ASB3: variants seen among roughly 807,000 people sequenced by gnomAD.
ASB3 encodes the protein ankyrin repeat and SOCS box protein 3.
In ASB3, 41 loss-of-function variants were observed where a neutral mutation model predicts 54.5. That is an observed-to-expected ratio of 0.75 (90% CI 0.59 to 0.98). The LOEUF (loss-of-function observed/expected upper bound fraction) is 0.98. ASB3 is among the 50% of genes least tolerant of loss of function. The probability of loss-of-function intolerance (pLI) is 0.00; values close to 1 mark genes in which losing one functional copy is unlikely to be tolerated. For missense variants in ASB3, 733 were observed against 620.0 expected, an observed-to-expected ratio of 1.18 and a Z score of -1.94; for synonymous variants, 266 against 221.2, an observed-to-expected ratio of 1.20 and a Z score of -1.80.
chr2:53,676,151 T>C (rs1668070637), intron 9 of ASB3, among the ~76,000 whole-genome samples: 1 of 152,230 alleles, frequency 6.6e-6, no homozygotes, highest in Admixed American at 6.5e-5. Context: ...AAACTATGGA[T>C]GTATAAACAA....
At chr2:53,772,915 G>T (rs192076391) in intron 1 of ASB3, among the ~76,000 whole-genome samples, 1 of 151,796 alleles carries the variant, frequency 6.6e-6, no homozygotes, top group East Asian at 1.9e-4. Context: ...TTTTAAAACT[G>T]GTTTGGAGCA....
chr2:53,765,231 T>C, intron 2 of ASB3, 146 bp downstream of exon 2: 7 of 1,186,790 alleles, frequency 5.9e-6, no homozygotes, highest in Middle Eastern at 2.8e-4. Flanking sequence ...GCAATCTTAC[T>C]ATCCTTAATA....
intron 1 of ASB3, among the ~76,000 whole-genome samples, chr2:53,765,966 A>G (rs1673427370): frequency 6.6e-6 from 1 of 152,026 alleles, no homozygotes; most frequent in Non-Finnish European, 1.5e-5. Context: ...CCTCTGCTTA[A>G]TCCCCAGTGT....
At chr2:53,678,311 C>T (rs1314986037) in intron 9 of ASB3, among the ~76,000 whole-genome samples, 1 of 152,164 alleles carries the variant, frequency 6.6e-6, no homozygotes, top group Non-Finnish European at 1.5e-5. Flanking sequence ...TCCCCACAAC[C>T]ATCCCGCCTT....
rs531962048 is a variant in ASB3, at chr2:53,732,195, G to A, written c.356-2625C>T. 3.3e-5 allele frequency among the ~76,000 whole-genome samples: 5 copies of A among 151,222 alleles called. No homozygotes were observed. The East Asian group carries it at 9.8e-4, about 30-fold the overall frequency. On this transcript the variant is annotated intron_variant, in intron 3 of 9. Coordinates refer to ENST00000263634, the MANE Select transcript of ASB3 (RefSeq NM_016115.5). ...GCTGGTCTCCAACTCCTGGCCTCAG[G>A]TGATCCACCTCCGCCTCAGCCTCCC...
At chr2:53,712,470 A>C (rs994726950) in intron 7 of ASB3, among the ~76,000 whole-genome samples, 17 of 152,210 alleles carry the variant, frequency 1.1e-4, no homozygotes, top group African/African-American at 2.7e-4. Flanking sequence ...AATTTCAACT[A>C]ATCTTGGAAA....
intron 1 of ASB3, among the ~76,000 whole-genome samples, chr2:53,778,436 T>C (rs779008687): frequency 6.6e-6 from 1 of 152,172 alleles, no homozygotes; most frequent in African/African-American, 2.4e-5. Flanking sequence ...TAAAAGTTAC[T>C]CTTAGCAAGT....
intron 7 of ASB3, among the ~76,000 whole-genome samples, chr2:53,712,508 C>T (rs983190046): frequency 8.5e-5 from 13 of 152,154 alleles, no homozygotes; most frequent in African/African-American, 2.4e-5. Flanking sequence ...AGATCTTTCC[C>T]ACCTAATTTC....
At chr2:53,714,246 T>C in intron 7 of ASB3, 138 bp downstream of exon 7, 4 of 1,076,196 alleles carry the variant, frequency 3.7e-6, no homozygotes, top group Non-Finnish European at 5.2e-6. Context: ...CATCATAGTT[T>C]TTTTCCTATT....
chr2:53,716,247 A>T (rs1403829476), intron 6 of ASB3, among the ~76,000 whole-genome samples: 1 of 152,206 alleles, frequency 6.6e-6, no homozygotes, highest in African/African-American at 2.4e-5. Context: ...ATGCTTAAAG[A>T]TGCCTGGGAT....
At chr2:53,765,312 A>T in intron 2 of ASB3, 65 bp downstream of exon 2, 2 of 1,598,506 alleles carry the variant, frequency 1.3e-6, no homozygotes, top group Middle Eastern at 3.3e-4. Context: ...GTTATGTATT[A>T]TACTTTTTTA....
At chr2:53,784,911 C>T (rs542018461) in intron 1 of ASB3, among the ~76,000 whole-genome samples, 8 of 152,196 alleles carry the variant, frequency 5.3e-5, no homozygotes, top group Non-Finnish European at 1.2e-4. Context: ...ACACAGCAGC[C>T]ACAATGATCT....
intron 3 of ASB3, among the ~76,000 whole-genome samples, chr2:53,735,485 TAA>T (rs11414333): frequency 4.6e-5 from 6 of 130,006 alleles, no homozygotes; most frequent in Non-Finnish European, 5.0e-5. Flanking sequence ...AGCAAAGATC[TAA>T]AAAAAAAAAA....
At chr2:53,781,276 G>C (rs1409071556) in intron 1 of ASB3, among the ~76,000 whole-genome samples, 1 of 151,994 alleles carries the variant, frequency 6.6e-6, no homozygotes, top group East Asian at 1.9e-4. Context: ...GCCAGGCGTG[G>C]TGGTGCACAC....
At chr2:53,680,924 T>A (rs1668337874) in intron 9 of ASB3, among the ~76,000 whole-genome samples, 1 of 152,026 alleles carries the variant, frequency 6.6e-6, no homozygotes, top group Admixed American at 6.6e-5. Context: ...CTACTTTGTA[T>A]CTCCATGAAT....
chr2:53,713,418 A>G (rs548445451), intron 7 of ASB3, among the ~76,000 whole-genome samples: 1 of 152,332 alleles, frequency 6.6e-6, no homozygotes, highest in East Asian at 1.9e-4. Context: ...ATGACCAGAT[A>G]TTACTCAATA....
intron 9 of ASB3, among the ~76,000 whole-genome samples, chr2:53,688,713 T>G (rs1668758075): frequency 6.6e-6 from 1 of 151,738 alleles, no homozygotes. Flanking sequence ...ATTTTCTCAC[T>G]CATAAGTGGG....
At chr2:53,676,556 GTCATAACA>G (rs1668089696) in intron 9 of ASB3, among the ~76,000 whole-genome samples, 1 of 152,170 alleles carries the variant, frequency 6.6e-6, no homozygotes, top group African/African-American at 2.4e-5. Context: ...TGTCACAGGT[GTCATAACA>G]TCAACTAATT....
chr2:53,677,487 G>GA (rs1462654386), intron 9 of ASB3, among the ~76,000 whole-genome samples: 4 of 151,662 alleles, frequency 2.6e-5, no homozygotes, highest in Non-Finnish European at 5.9e-5. Context: ...CTATCTGCAG[G>GA]TTTTTTTTAA....
Sources: gnomAD v4.1 joint callset for allele counts (sites outside exome capture counted in the v4.1 genomes callset) on GRCh38, gnomAD v4.1.1 for gene constraint, MANE v1.5 for transcripts, NCBI Gene and HGNC (gene_info 2026-07-23, HGNC 2026-07-21) for gene names.